Variants in LRRTM4 observed in about 807,000 individuals in gnomAD.
LRRTM4 encodes leucine-rich repeat transmembrane neuronal protein 4.
Under a neutral mutation model 47.6 loss-of-function variants are expected in LRRTM4, and 25 were observed. The ratio of observed to expected loss-of-function variants is 0.53; its 90% CI spans 0.38 to 0.73. The LOEUF (loss-of-function observed/expected upper bound fraction) is 0.73, where lower values mean the gene tolerates loss of function less well. Ranked by LOEUF, LRRTM4 falls within the 30% of genes least tolerant of loss-of-function variation. The probability of loss-of-function intolerance (pLI) is 0.00; values close to 1 mark genes in which losing one functional copy is unlikely to be tolerated. For synonymous variants in LRRTM4, 311 were observed against 269.5 expected (o/e 1.15, Z -1.51); for missense variants, 638 against 713.4 (o/e 0.89, Z 1.20).
chr2:77,079,745 A>G (rs367911422), intron 3 of LRRTM4, among the ~76,000 whole-genome samples: 2 of 152,196 alleles, frequency 1.3e-5, no homozygotes, highest in South Asian at 4.1e-4. Context: ...GTTAAAAGTT[A>G]GGTAAGTGCT....
At chr2:77,383,831 A>T (rs951828671) in intron 3 of LRRTM4, among the ~76,000 whole-genome samples, 1 of 152,054 alleles carries the variant, frequency 6.6e-6, no homozygotes, top group Non-Finnish European at 1.5e-5. Flanking sequence ...AATCTACTGA[A>T]TAAGACCTCA....
intron 3 of LRRTM4, among the ~76,000 whole-genome samples, chr2:77,098,351 T>C (rs1670865144): frequency 6.6e-6 from 1 of 151,970 alleles, no homozygotes; most frequent in African/African-American, 2.4e-5. Flanking sequence ...TAAAAATAGA[T>C]AAACAGGTAT....
chr2:77,152,777 TC>T (rs1672464042), intron 3 of LRRTM4, among the ~76,000 whole-genome samples: 1 of 152,202 alleles, frequency 6.6e-6, no homozygotes. Flanking sequence ...TCATCATTTT[TC>T]TTCTATTTAA....
At chr2:77,378,002 A>G (rs562212890) in intron 3 of LRRTM4, among the ~76,000 whole-genome samples, 1 of 152,080 alleles carries the variant, frequency 6.6e-6, no homozygotes, top group South Asian at 2.1e-4. Context: ...TACTTTGGTA[A>G]TTTAGGTTCT....
intron 3 of LRRTM4, among the ~76,000 whole-genome samples, chr2:76,798,844 A>T (rs1675503819): frequency 6.6e-6 from 1 of 152,196 alleles, no homozygotes; most frequent in Non-Finnish European, 1.5e-5. Context: ...TAAACTAGAA[A>T]ATCTACAAGA....
At chr2:77,182,322 C>A (rs1296285506) in intron 3 of LRRTM4, among the ~76,000 whole-genome samples, 1 of 151,968 alleles carries the variant, frequency 6.6e-6, no homozygotes, top group Admixed American at 6.6e-5. Context: ...AAGACAGGAA[C>A]AGAAAAGCAA....
chr2:76,749,890 A>T (rs554881093), intron 3 of LRRTM4, among the ~76,000 whole-genome samples: 2 of 152,334 alleles, frequency 1.3e-5, no homozygotes, highest in South Asian at 2.1e-4. Flanking sequence ...CACAGATGAG[A>T]AAAGTGCAAA....
At chr2:77,433,516 T>C (rs1675469359) in intron 3 of LRRTM4, among the ~76,000 whole-genome samples, 1 of 152,186 alleles carries the variant, frequency 6.6e-6, no homozygotes, top group South Asian at 2.1e-4. Context: ...TCTTTAAAAG[T>C]CAAACACTAT....
chr2:77,204,375 T>A (rs1217231760), intron 3 of LRRTM4, among the ~76,000 whole-genome samples: 2 of 151,964 alleles, frequency 1.3e-5, no homozygotes, highest in African/African-American at 4.8e-5. Context: ...ACAATGATGA[T>A]GATGGTGATA....
intron 3 of LRRTM4, among the ~76,000 whole-genome samples, chr2:77,262,081 C>T (rs1015115853): frequency 1.3e-5 from 2 of 152,058 alleles, no homozygotes; most frequent in African/African-American, 4.8e-5. Flanking sequence ...ATCTAGGTTG[C>T]ACACTCCTTA....
intron 3 of LRRTM4, among the ~76,000 whole-genome samples, chr2:77,021,668 T>C (rs1276400483): frequency 6.6e-6 from 1 of 152,194 alleles, no homozygotes; most frequent in Admixed American, 6.5e-5. Flanking sequence ...TGAATGCAAC[T>C]GCATGAGTTT....
At chr2:77,240,092 A>G (rs1675216342) in intron 3 of LRRTM4, among the ~76,000 whole-genome samples, 1 of 151,904 alleles carries the variant, frequency 6.6e-6, no homozygotes, top group African/African-American at 2.4e-5. Flanking sequence ...TGTGTCTCTG[A>G]CCAAAATGAA....
intron 3 of LRRTM4, among the ~76,000 whole-genome samples, chr2:77,280,627 G>A (rs1294121710): frequency 6.6e-6 from 1 of 151,852 alleles, no homozygotes; most frequent in African/African-American, 2.4e-5. Context: ...GTGTGACTTT[G>A]CCCGTTACTA....
At chr2:77,431,618 A>G (rs1019165193) in intron 3 of LRRTM4, among the ~76,000 whole-genome samples, 1 of 149,110 alleles carries the variant, frequency 6.7e-6, no homozygotes, top group Non-Finnish European at 1.5e-5. Context: ...AAATATCAAA[A>G]TCAGATATGG....
chr2:76,824,696 T>G (rs897453383), intron 3 of LRRTM4, among the ~76,000 whole-genome samples: 5 of 150,510 alleles, frequency 3.3e-5, no homozygotes, highest in African/African-American at 1.2e-4. Context: ...AATACTGATT[T>G]GAAACACCGC....
intron 3 of LRRTM4, among the ~76,000 whole-genome samples, chr2:77,107,258 CTCTTA>C (rs1378050947): frequency 7.0e-5 from 6 of 85,996 alleles, no homozygotes; most frequent in South Asian, 4.5e-4. Flanking sequence ...CATTTAATAA[CTCTTA>C]TCTTTGGCAC....
chr2:76,781,525 G>T (rs111856099), intron 3 of LRRTM4, among the ~76,000 whole-genome samples: 1 of 151,308 alleles, frequency 6.6e-6, no homozygotes, highest in East Asian at 2.0e-4. Flanking sequence ...TTCCAGGTGC[G>T]GTGCATCACC....
At chr2:77,404,070 T>C (rs1350821200) in intron 3 of LRRTM4, among the ~76,000 whole-genome samples, 5 of 151,976 alleles carry the variant, frequency 3.3e-5, no homozygotes, top group African/African-American at 1.2e-4. Context: ...TTTCGAGTCA[T>C]AACTTGTCTT....
chr2:76,754,796 C>T (rs1672970286), intron 3 of LRRTM4, among the ~76,000 whole-genome samples: 1 of 152,132 alleles, frequency 6.6e-6, no homozygotes, highest in African/African-American at 2.4e-5. Context: ...CCTAACCTAT[C>T]TAGCCATTGC....
Sources: gnomAD v4.1 joint callset for allele counts (sites outside exome capture counted in the v4.1 genomes callset) on GRCh38, gnomAD v4.1.1 for gene constraint, MANE v1.5 for transcripts, NCBI Gene and HGNC (gene_info 2026-07-23, HGNC 2026-07-21) for gene names.